The following EVI5 variants were observed in gnomAD, a reference collection of about 807,000 sequenced individuals.
The protein encoded by EVI5 is ecotropic viral integration site 5.
A neutral mutation model predicts 112.0 loss-of-function variants in EVI5; 73 were observed. That is an observed-to-expected ratio of 0.65 (90% CI 0.54 to 0.79). The LOEUF (loss-of-function observed/expected upper bound fraction) is 0.79. Ranked by LOEUF, EVI5 falls within the 30% of genes least tolerant of loss-of-function variation. The pLI is 0.00. For missense variants in EVI5, 900 were observed against 968.8 expected (o/e 0.93, Z 0.94); for synonymous variants, 305 against 319.9 (o/e 0.95, Z 0.50).
chr1:92,735,642 A>T (rs1359381461), intron 2 of EVI5, among the ~76,000 whole-genome samples: 8 of 23,774 alleles, frequency 3.4e-4, no homozygotes, highest in Admixed American at 2.5e-3. Flanking sequence ...TATATGTCAT[A>T]TATATATATA....
upstream of EVI5, among the ~76,000 whole-genome samples, chr1:92,786,724 C>T (rs1380480170): frequency 6.6e-6 from 1 of 152,148 alleles, no homozygotes; most frequent in Non-Finnish European, 1.5e-5. Flanking sequence ...TGTCACTTCC[C>T]AGCCTAAACC....
chr1:92,666,144 A>G, intron 10 of EVI5, 152 bp from the exon 11 acceptor site: 1 of 555,888 alleles, frequency 1.8e-6, no homozygotes, highest in African/African-American at 1.9e-5. Context: ...TCAGAGTAAG[A>G]AATACACAGA....
chr1:92,743,832 T>C (rs537668576), intron 1 of EVI5, among the ~76,000 whole-genome samples: 34 of 152,294 alleles, frequency 2.2e-4, no homozygotes, highest in Admixed American at 7.8e-4. Context: ...TTTGTAATTG[T>C]TTTCCTGTTT....
chr1:92,600,472 T>C (rs1571818471), intron 18 of EVI5, among the ~76,000 whole-genome samples: 1 of 152,182 alleles, frequency 6.6e-6, no homozygotes. Flanking sequence ...AGAAAATTAT[T>C]GGTAAGGGGA....
At chr1:92,629,744 C>G in intron 14 of EVI5, among the ~76,000 whole-genome samples, 1 of 151,702 alleles carries the variant, frequency 6.6e-6, no homozygotes, top group East Asian at 1.9e-4. Context: ...CATACATGTG[C>G]CATGTTGGTG....
intron 10 of EVI5, among the ~76,000 whole-genome samples, chr1:92,670,902 CTAAG>C (rs1464540550): frequency 6.6e-6 from 1 of 152,182 alleles, no homozygotes; most frequent in African/African-American, 2.4e-5. Flanking sequence ...TGCTAGCATA[CTAAG>C]TTACATCTCC....
rs985010281 is a variant in EVI5 at position 92,511,960 on chromosome 1, C to T, written c.*1696G>A. On this transcript the variant is annotated 3_prime_UTR_variant, in exon 20 of 20. Transcript: ENST00000684568. Reference sequence around the variant, plus strand: ...TACTGTGCAAAACTGTGCCTCCATACATACTGAATTCTACTTTTCTCTTCC... The same window carrying T: ...TACTGTGCAAAACTGTGCCTCCATATATACTGAATTCTACTTTTCTCTTCC... 6.6e-6 allele frequency: 1 copy of T among 152,234 alleles called. No individual in the cohort carries two copies. Among genetic ancestry groups the T allele is most frequent in the African/African-American group, 2.4e-5 (1 of 41,352 alleles). 9.4% of individuals were successfully genotyped at this position (152,234 alleles called of 1,614,324 possible).
intron 2 of EVI5, among the ~76,000 whole-genome samples, chr1:92,708,716 T>TCC (rs1275157636): frequency 6.6e-6 from 1 of 151,952 alleles, no homozygotes; most frequent in African/African-American, 2.4e-5. Context: ...AATCCAAGTG[T>TCC]CCATCAACTG....
chr1:92,776,959 C>T (rs945973760), intron 1 of EVI5, among the ~76,000 whole-genome samples: 1 of 152,144 alleles, frequency 6.6e-6, no homozygotes, highest in Non-Finnish European at 1.5e-5. Context: ...CCCGCCACCA[C>T]GCCTGGCTAA....
intron 18 of EVI5, among the ~76,000 whole-genome samples, chr1:92,587,985 G>A (rs1221593887): frequency 6.6e-6 from 1 of 151,946 alleles, no homozygotes; most frequent in African/African-American, 2.4e-5. Flanking sequence ...AACTAACTGA[G>A]GAAAAAATTG....
rs149700621 is a variant in EVI5 at position 92,640,388 on chromosome 1, T to C, written c.1393-4052A>G. Among the ~76,000 whole-genome samples the C allele has an allele frequency of 6.7e-3, 1,026 of 152,172 alleles. 10 individuals are homozygous for C. Among genetic ancestry groups the C allele is most frequent in the African/African-American group, 0.023 (943 of 41,512 alleles). The stretch of plus-strand genomic sequence containing the variant: ...ACAAAGGTCTAAAATTCAGAATCTA[T>C]GGGGAACCTAAACAAATTTACAAGA... On this transcript the variant is annotated intron_variant, in intron 13 of 19. Transcript: ENST00000684568.
rs1349136025 is a variant in EVI5 at position 92,666,094 on chromosome 1, A to G, written c.1159-102T>C. 4.9e-5 allele frequency: 34 copies of G among 694,042 alleles called. No individual in the cohort carries two copies. The Admixed American group carries it at 9.1e-4, about 19-fold the overall frequency. 43.0% of individuals were successfully genotyped at this position (694,042 alleles called of 1,614,324 possible). On this transcript the variant is annotated intron_variant, in intron 10 of 19. Coordinates refer to ENST00000684568, the MANE Select transcript of EVI5 (RefSeq NM_001350197.2). ...ATGTATCACCTTTTATAAATAAGAAAGGAGTCTAAGGAATGATTACATTAT... is the reference window on the plus strand; with the variant it reads ...ATGTATCACCTTTTATAAATAAGAAGGGAGTCTAAGGAATGATTACATTAT...
intron 13 of EVI5, among the ~76,000 whole-genome samples, chr1:92,644,628 C>G (rs184802692): frequency 4.9e-4 from 75 of 152,252 alleles, no homozygotes; most frequent in Non-Finnish European, 9.3e-4. Flanking sequence ...CTAATAAGCA[C>G]TTAATACATT....
intron 2 of EVI5, among the ~76,000 whole-genome samples, chr1:92,720,543 T>TTAA (rs926906442): frequency 1.3e-5 from 2 of 152,234 alleles, no homozygotes; most frequent in African/African-American, 4.8e-5. Flanking sequence ...GATTAAAGAC[T>TTAA]TAAATGTTAG....
chr1:92,609,169 T>G lies in EVI5; in HGVS notation c.1828-1442A>C, dbSNP rs1651162169. ...GAGGCCTGAAAGAAATAGTAGGGAC[T>G]TTCATAACAGAAAGAAGTAAAAATC... On this transcript the variant is annotated intron_variant, in intron 16 of 19. Coordinates refer to ENST00000684568, the MANE Select transcript of EVI5 (RefSeq NM_001350197.2). Among the ~76,000 whole-genome samples the G allele has an allele frequency of 2.0e-5, 3 of 152,216 alleles. No homozygotes were observed. In the South Asian group the frequency reaches 6.2e-4, roughly 32 times the overall value.
At chr1:92,593,306 C>T (rs1019214287) in intron 18 of EVI5, among the ~76,000 whole-genome samples, 1 of 152,108 alleles carries the variant, frequency 6.6e-6, no homozygotes, top group African/African-American at 2.4e-5. Context: ...TAAACAGAAC[C>T]AACGACAAAA....
intron 19 of EVI5, among the ~76,000 whole-genome samples, chr1:92,538,529 CAATT>C (rs769058246): frequency 6.6e-6 from 1 of 152,158 alleles, no homozygotes; most frequent in Non-Finnish European, 1.5e-5. Flanking sequence ...GTCCATCAAT[CAATT>C]AACCAAATAT....
intron 14 of EVI5, among the ~76,000 whole-genome samples, chr1:92,630,005 T>C (rs1656612223): frequency 6.6e-6 from 1 of 152,170 alleles, no homozygotes; most frequent in Non-Finnish European, 1.5e-5. Flanking sequence ...ACTCATCCTT[T>C]TTAATGGCTG....
At chr1:92,575,708 C>A (rs1227040629) in intron 18 of EVI5, among the ~76,000 whole-genome samples, 2 of 151,654 alleles carry the variant, frequency 1.3e-5, no homozygotes, top group East Asian at 3.9e-4. Context: ...GAAGTACAGG[C>A]ATGCACCAGC....
Sources: allele counts gnomAD v4.1 joint callset (sites outside exome capture counted in the v4.1 genomes callset), GRCh38; gene constraint gnomAD v4.1.1; transcripts MANE v1.5; gene names NCBI Gene and HGNC (gene_info 2026-07-23, HGNC 2026-07-21).